Variants in N4BP2L2 observed in about 807,000 individuals in gnomAD.
N4BP2L2 encodes NEDD4 binding protein 2 like 2.
N4BP2L2 carries 50 observed loss-of-function variants against 56.2 expected under a neutral mutation model. The observed-to-expected ratio is 0.89, with a 90% CI of 0.71 to 1.13. The LOEUF (loss-of-function observed/expected upper bound fraction) is 1.13, where lower values mean the gene tolerates loss of function less well. Ranked by LOEUF, N4BP2L2 falls within the 50% of genes most tolerant of loss-of-function variation. The pLI, the probability that N4BP2L2 is intolerant of heterozygous loss-of-function variation, is 0.00. For missense variants in N4BP2L2, 689 were observed against 693.8 expected, an observed-to-expected ratio of 0.99 and a Z score of 0.08; for synonymous variants, 203 against 223.6, an observed-to-expected ratio of 0.91 and a Z score of 0.82.
At chr13:32,521,959 G>C in intron 4 of N4BP2L2, 2 of 449,554 alleles carry the variant, frequency 4.4e-6, no homozygotes, top group Admixed American at 4.4e-5. Context: ...CTGGGTGACA[G>C]AGCGAGACTC....
At chr13:32,432,782 T>C (rs879797914) in exon 10 of N4BP2L2, 2 of 152,214 alleles carry the variant, frequency 1.3e-5, no homozygotes, top group Non-Finnish European at 2.9e-5. Flanking sequence ...AATGTTCAAA[T>C]TGTTACCTCC....
chr13:32,448,284 A>G (rs182277606), intron 6 of N4BP2L2, among the ~76,000 whole-genome samples: 10 of 152,256 alleles, frequency 6.6e-5, no homozygotes, highest in African/African-American at 2.2e-4. Context: ...ATCTATCTAG[A>G]AAGTGTGAGA....
At chr13:32,466,411 A>G (rs952740563) in intron 6 of N4BP2L2, among the ~76,000 whole-genome samples, 7 of 152,106 alleles carry the variant, frequency 4.6e-5, no homozygotes, top group South Asian at 2.1e-4. Context: ...TACTAAAAAT[A>G]CAAAAATTAG....
At chr13:32,518,121 T>C (rs573305526) in intron 5 of N4BP2L2, 118 bp from the exon 6 acceptor site, 3 of 917,554 alleles carry the variant, frequency 3.3e-6, no homozygotes, top group Non-Finnish European at 4.7e-6. Flanking sequence ...AAACAATATA[T>C]ATTTCATCTG....
intron 6 of N4BP2L2, among the ~76,000 whole-genome samples, chr13:32,450,205 T>A (rs2077698816): frequency 6.6e-6 from 1 of 152,156 alleles, no homozygotes; most frequent in Non-Finnish European, 1.5e-5. Context: ...ATAGTTAACT[T>A]TGAAATTAGT....
At position 32,531,333 on chromosome 13, in the gene N4BP2L2, T is replaced by A. The variant is rs144566942; in HGVS notation, c.1260-3801A>T. ...AATCAATGTACTCTATACTTATAAT[T>A]TCTCACGTAAGAAACAAGTAAACCA... On this transcript the variant is annotated intron_variant, in intron 2 of 5. Coordinates refer to ENST00000267068, the Ensembl canonical transcript of N4BP2L2. Among the ~76,000 whole-genome samples, 153 of 152,300 alleles carry A rather than the reference T, an allele frequency of 1.0e-3. 1 individual carries two copies. The highest frequency in any genetic ancestry group is 3.4e-3 in the African/African-American group (141 of 41,558).
chr13:32,443,513 C>A lies in N4BP2L2; in HGVS notation c.979G>T (p.Gly327Ter). The A allele has an allele frequency of 6.2e-7, 1 of 1,611,408 alleles. No homozygotes were observed. The highest frequency in any genetic ancestry group is 8.5e-7 in the Non-Finnish European group (1 of 1,178,360). Residue 327 changes from glycine (G) to a stop codon, truncating the protein, a stop_gained, in exon 7 of 10, where the codon GGA becomes TGA. Coordinates refer to the N4BP2L2 transcript ENST00000357505. LOFTEE classifies it high-confidence loss of function. ...AAAACTTTATCTGACATTCTGATTC[C>A]ATGTTGATGGCACAGAATGGGTTCA... is the stretch of plus-strand genomic sequence containing the variant.
At chr13:32,535,958 T>G (rs1054532679) in exon 2 of N4BP2L2, 1 of 1,614,092 alleles carries the variant, frequency 6.2e-7, no homozygotes, top group African/African-American at 1.3e-5. Flanking sequence ...ATATCGATCT[T>G]GCATACTGCA....
chr13:32,500,865 CTTTT>C (rs368419149), intron 6 of N4BP2L2, among the ~76,000 whole-genome samples: 5 of 127,402 alleles, frequency 3.9e-5, no homozygotes, highest in African/African-American at 8.8e-5. Flanking sequence ...TTAGTCTTTT[CTTTT>C]TTTTTTTTTT....
intron 6 of N4BP2L2, among the ~76,000 whole-genome samples, chr13:32,479,642 C>CA (rs1186116626): frequency 8.6e-5 from 13 of 150,670 alleles, no homozygotes; most frequent in African/African-American, 3.2e-4. Context: ...AAAGGATCCC[C>CA]AAAATGTATA....
At chr13:32,462,523 G>A (rs1088550) in intron 6 of N4BP2L2, among the ~76,000 whole-genome samples, 70,153 of 151,788 alleles carry the variant, frequency 0.46, 16,525 homozygotes, top group East Asian at 0.7. Context: ...TTATAGATAG[G>A]AGGAATAAGT....
intron 9 of N4BP2L2, among the ~76,000 whole-genome samples, chr13:32,435,751 A>G (rs545942590): frequency 6.6e-6 from 1 of 152,358 alleles, no homozygotes; most frequent in South Asian, 2.1e-4. Context: ...ATGTCTTTCT[A>G]GTTGAGAAAT....
chr13:32,499,165 C>T (rs1294253049), intron 6 of N4BP2L2, among the ~76,000 whole-genome samples: 1 of 152,138 alleles, frequency 6.6e-6, no homozygotes, highest in Non-Finnish European at 1.5e-5. Context: ...TAGGCACCAA[C>T]TCCTATAGGA....
chr13:32,515,094 T>C (rs993698390), exon 6 of N4BP2L2: 7 of 150,556 alleles, frequency 4.6e-5, no homozygotes, highest in African/African-American at 1.7e-4. Context: ...GCTGACATCA[T>C]GCCACTGTAC....
At chr13:32,476,953 C>T (rs771405318) in intron 6 of N4BP2L2, among the ~76,000 whole-genome samples, 2 of 152,166 alleles carry the variant, frequency 1.3e-5, no homozygotes, top group Admixed American at 6.5e-5. Flanking sequence ...GTTACTACTA[C>T]TGATAACTGA....
intron 6 of N4BP2L2, among the ~76,000 whole-genome samples, chr13:32,488,979 A>C (rs1202147439): frequency 3.9e-5 from 6 of 152,224 alleles, no homozygotes; most frequent in Admixed American, 3.9e-4. Flanking sequence ...AGATGGACGC[A>C]GGAGAATCTC....
chr13:32,518,107 A>T, intron 5 of N4BP2L2, 104 bp from the exon 6 acceptor site: 3 of 1,043,428 alleles, frequency 2.9e-6, no homozygotes, highest in Non-Finnish European at 4.0e-6. Context: ...AATATTTTGT[A>T]AATAAACAAT....
At position 32,443,481 on chromosome 13, in the gene N4BP2L2, C is replaced by G. The variant is rs1296532574; in HGVS notation, c.1011G>C (p.Glu337Asp). The G allele has an allele frequency of 3.7e-6, 6 of 1,612,848 alleles. No individual in the cohort carries two copies. In the African/African-American group the frequency reaches 6.7e-5, roughly 18 times the overall value. ...TGATTTTAGTTGTATACACTTGTTC[C>G]TCTCTTAAAACTTTATCTGACATTC... The change falls in exon 7 of 10, where the codon GAG becomes GAC. Residue 337 changes from glutamate to aspartate, a missense_variant. Glu to Asp is a conservative substitution (Grantham distance 45). Transcript: ENST00000357505.
intron 6 of N4BP2L2, chr13:32,477,243 G>C (rs1196717070): frequency 3.0e-6 from 1 of 330,536 alleles, no homozygotes; most frequent in East Asian, 7.0e-5. Context: ...AGGCTTACAA[G>C]GGCTAAAAGG....
Sources: allele counts gnomAD v4.1 joint callset (sites outside exome capture counted in the v4.1 genomes callset), GRCh38; gene constraint gnomAD v4.1.1; transcripts MANE v1.5; gene names NCBI Gene and HGNC (gene_info 2026-07-23, HGNC 2026-07-21).